Variants in PLAGL1 observed in about 807,000 individuals in gnomAD.
PLAGL1 encodes zinc finger protein PLAGL1.
PLAGL1 carries 1 observed loss-of-function variant against 4.6 expected under a neutral mutation model. The ratio of observed to expected loss-of-function variants is 0.22; its 90% CI spans 0.08 to 1.03. The LOEUF is 1.03. Ranked by LOEUF, PLAGL1 falls within the 50% of genes least tolerant of loss-of-function variation. PLAGL1 has a pLI of 0.58. For missense variants in PLAGL1, 464 were observed against 570.4 expected, an observed-to-expected ratio of 0.81 and a Z score of 1.90; for synonymous variants, 240 against 237.8, an observed-to-expected ratio of 1.01 and a Z score of -0.08.
At chr6:144,019,660 A>G (rs1253178199) in intron 1 of PLAGL1, among the ~76,000 whole-genome samples, 3 of 151,926 alleles carry the variant, frequency 2.0e-5, no homozygotes, top group Non-Finnish European at 2.9e-5. Flanking sequence ...ATCTAGTTTA[A>G]CCTCAATCGG....
At chr6:143,956,982 C>G (rs1387900313) in intron 6 of PLAGL1, among the ~76,000 whole-genome samples, 2 of 152,244 alleles carry the variant, frequency 1.3e-5, no homozygotes, top group Non-Finnish European at 2.9e-5. Flanking sequence ...GGGGCTGGGA[C>G]AGCCAGGATC....
rs911950421 is a variant in PLAGL1, at chr6:144,039,096, G to A, written c.-151+25372C>T. 6.6e-6 allele frequency among the ~76,000 whole-genome samples: 1 copy of A among 152,056 alleles called. No homozygotes were observed. The highest frequency in any genetic ancestry group is 1.5e-5 in the Non-Finnish European group (1 of 68,002). On this transcript the variant is annotated intron_variant, in intron 1 of 3. Coordinates refer to the PLAGL1 transcript ENST00000437412. This position sits in a 1 kb window ranked among gnomAD's most constrained non-coding sequence, Gnocchi z 4.1. ...GGAAAGACATAAAGTAAAAACACAA[G>A]CCACAAATTTGGGAGATAGGTTTGC...
Position 143,970,526 on chromosome 6 carries a change from A to G in PLAGL1, c.-543-1548T>C, listed in dbSNP as rs1227461791. Reference sequence around the variant, plus strand: ...TTCAGAATAGCTTTCTTGCAACTAAATCTAGTGGGTAAGGAGGATGTCTTG... The same window carrying G: ...TTCAGAATAGCTTTCTTGCAACTAAGTCTAGTGGGTAAGGAGGATGTCTTG... On this transcript the variant is annotated intron_variant, in intron 2 of 7. Coordinates refer to ENST00000674357, the MANE Select transcript of PLAGL1 (RefSeq NM_001317162.2). This position sits in a 1 kb window ranked among gnomAD's most constrained non-coding sequence, Gnocchi z 5.8. Among the ~76,000 whole-genome samples the G allele has an allele frequency of 6.6e-6, 1 of 152,128 alleles. No individual in the cohort carries two copies.
At position 144,063,210 on chromosome 6, in the gene PLAGL1, C is replaced by T. The variant is rs942973715; in HGVS notation, c.-151+1258G>A. 2.0e-5 allele frequency among the ~76,000 whole-genome samples: 3 copies of T among 152,156 alleles called. No individual in the cohort carries two copies. The highest frequency in any genetic ancestry group is 7.2e-5 in the African/African-American group (3 of 41,442). On this transcript the variant is annotated intron_variant, in intron 1 of 3. Coordinates refer to the PLAGL1 transcript ENST00000437412. This position sits in a 1 kb window ranked among gnomAD's most constrained non-coding sequence, Gnocchi z 5.7. The stretch of plus-strand genomic sequence containing the variant: ...CCTGCACCGGAACTTTGTAGTATTC[C>T]AATTTCTCCCCTTTCCACACACTTC...
chr6:143,940,319 T>TATTA lies in PLAGL1; in HGVS notation c.*1101_*1104dup, dbSNP rs1320454159. 1 of 152,222 alleles carries TATTA rather than the reference T, an allele frequency of 6.6e-6. No individual in the cohort carries two copies. The highest frequency in any genetic ancestry group is 2.4e-5 in the African/African-American group (1 of 41,450). 9.4% of individuals were successfully genotyped at this position (152,222 alleles called of 1,614,324 possible). A position where few individuals can be genotyped will look rare whatever the true frequency, so the allele number is the denominator to read the frequency against. ...GCCAAATTGCAAGATTTGAAAAGTT[T>TATTA]ATTATATGTAAGATATATGTTTACG... On this transcript the variant is annotated 3_prime_UTR_variant, in exon 8 of 8. Coordinates refer to ENST00000674357, the MANE Select transcript of PLAGL1 (RefSeq NM_001317162.2).
In PLAGL1 at chr6:144,056,618, T is replaced by G. The variant is rs566568080; in HGVS notation, c.-151+7850A>C. Among the ~76,000 whole-genome samples the G allele has an allele frequency of 6.6e-5, 10 of 152,312 alleles. No individual in the cohort carries two copies. Among genetic ancestry groups the G allele is most frequent in the African/African-American group, 2.4e-4 (10 of 41,572 alleles). On this transcript the variant is annotated intron_variant, in intron 1 of 3. Transcript: ENST00000437412. This position sits in a 1 kb window ranked among gnomAD's most constrained non-coding sequence, Gnocchi z 4.7. Reference sequence around the variant, plus strand: ...GGCTTCTTTCACTTAGTAATATGCATTTAAGATTCCTCCATGTCCTTTCAT... The same window carrying G: ...GGCTTCTTTCACTTAGTAATATGCAGTTAAGATTCCTCCATGTCCTTTCAT...
In PLAGL1 at chr6:143,958,186, C is replaced by T. The variant is rs1156387061; in HGVS notation, c.-325+2283G>A. Among the ~76,000 whole-genome samples the T allele has an allele frequency of 6.6e-6, 1 of 152,166 alleles. No homozygotes were observed. Among genetic ancestry groups the T allele is most frequent in the African/African-American group, 2.4e-5 (1 of 41,434 alleles). ...TGGGAGCCAGTGAAAGTGAGGATGTCCCATCTACAGATGAATTGCAGAGAG... is the reference window on the plus strand; with the variant it reads ...TGGGAGCCAGTGAAAGTGAGGATGTTCCATCTACAGATGAATTGCAGAGAG... On this transcript the variant is annotated intron_variant, in intron 6 of 7. Coordinates refer to ENST00000674357, the MANE Select transcript of PLAGL1 (RefSeq NM_001317162.2). The surrounding 1 kb of genome is among the most constrained non-coding windows in gnomAD (Gnocchi z 5.1).
In PLAGL1 at chr6:143,968,957, C is replaced by T. The variant is rs1784918047; in HGVS notation, c.-522G>A. ...TTCAGATGTGACACGAGGCAGCAGC[C>T]ACATTAGACGTGACAGCAATCCTAA... On this transcript the variant is annotated 5_prime_UTR_variant, in exon 3 of 8. The change creates a premature stop within an existing upstream ORF in the 5' untranslated region. Transcript: ENST00000674357. This position sits in a 1 kb window ranked among gnomAD's most constrained non-coding sequence, Gnocchi z 6.3. 2 of 151,120 alleles carry T rather than the reference C, an allele frequency of 1.3e-5. No homozygotes were observed. Among genetic ancestry groups the T allele is most frequent in the South Asian group, 2.1e-4 (1 of 4,790 alleles). 9.4% of individuals were successfully genotyped at this position (151,120 alleles called of 1,614,324 possible).
At chr6:143,991,155 G>C (rs1397642077) in intron 1 of PLAGL1, among the ~76,000 whole-genome samples, 1 of 152,150 alleles carries the variant, frequency 6.6e-6, no homozygotes, top group African/African-American at 2.4e-5. Context: ...ACCTAGAACT[G>C]ATGCAAATTT....
Position 144,027,919 on chromosome 6 carries a change from A to G in PLAGL1, c.-151+36549T>C, listed in dbSNP as rs1333963984. 6.6e-6 allele frequency among the ~76,000 whole-genome samples: 1 copy of G among 152,220 alleles called. No homozygotes were observed. The highest frequency in any genetic ancestry group is 1.5e-5 in the Non-Finnish European group (1 of 68,046). ...TCAGAGTGTCTTTCATTTTGATATG[A>G]GAATAAACAGATGCCTGGCAGCATT... On this transcript the variant is annotated intron_variant, in intron 1 of 3. Transcript: ENST00000437412. The surrounding 1 kb of genome is among the most constrained non-coding windows in gnomAD (Gnocchi z 5.8).
chr6:143,956,196 A>G (rs1428466120), intron 6 of PLAGL1, among the ~76,000 whole-genome samples: 3 of 152,188 alleles, frequency 2.0e-5, no homozygotes, highest in South Asian at 2.1e-4. Context: ...TTGATCACCA[A>G]TGTTTTCCTC....
chr6:144,032,706 C>T (rs4896692), intron 1 of PLAGL1, among the ~76,000 whole-genome samples: 2 of 152,140 alleles, frequency 1.3e-5, no homozygotes, highest in South Asian at 2.1e-4. Flanking sequence ...GGATTACAGG[C>T]GTATGCCAAC....
chr6:144,031,380 TTTG>T (rs1796820552), intron 1 of PLAGL1, among the ~76,000 whole-genome samples: 2 of 152,224 alleles, frequency 1.3e-5, no homozygotes, highest in African/African-American at 4.8e-5. Context: ...TATATTTGTT[TTTG>T]TTGCTTTTGC....
At position 144,013,943 on chromosome 6, in the gene PLAGL1, G is replaced by T. The variant is rs1390390643; in HGVS notation, c.-150-44965C>A. Among the ~76,000 whole-genome samples, 1 of 152,190 alleles carries T rather than the reference G, an allele frequency of 6.6e-6. No homozygotes were observed. The highest frequency in any genetic ancestry group is 1.5e-5 in the Non-Finnish European group (1 of 68,030). On this transcript the variant is annotated intron_variant, in intron 1 of 3. Coordinates refer to the PLAGL1 transcript ENST00000437412. This position sits in a 1 kb window ranked among gnomAD's most constrained non-coding sequence, Gnocchi z 4.4. The stretch of plus-strand genomic sequence containing the variant: ...ACACAAATATTTTCGAGGGTCATCA[G>T]TCAGTCCTCATGTCAAAGTTGACAT...
intron 1 of PLAGL1, among the ~76,000 whole-genome samples, chr6:144,030,116 G>A (rs1049692736): frequency 6.6e-5 from 10 of 151,770 alleles, no homozygotes; most frequent in Admixed American, 3.3e-4. Flanking sequence ...TTAGCCGGGC[G>A]TGGTGGCAGG....
rs1053541341 is a variant in PLAGL1, at chr6:143,945,821, A to G, written c.152+2164T>C. ...TCTCACACTCTTCCAGTCCTTTACTATATCACTGCTTCAGGCAAGAGAGGC... is the reference window on the plus strand; with the variant it reads ...TCTCACACTCTTCCAGTCCTTTACTGTATCACTGCTTCAGGCAAGAGAGGC... On this transcript the variant is annotated intron_variant, in intron 7 of 7. Coordinates refer to ENST00000674357, the MANE Select transcript of PLAGL1 (RefSeq NM_001317162.2). The surrounding 1 kb of genome is among the most constrained non-coding windows in gnomAD (Gnocchi z 4.2). Among the ~76,000 whole-genome samples, 3 of 152,120 alleles carry G rather than the reference A, an allele frequency of 2.0e-5. No individual in the cohort carries two copies. The highest frequency in any genetic ancestry group is 7.2e-5 in the African/African-American group (3 of 41,406).
chr6:143,980,512 A>C (rs758326258), intron 2 of PLAGL1, among the ~76,000 whole-genome samples: 1 of 151,888 alleles, frequency 6.6e-6, no homozygotes, highest in African/African-American at 2.4e-5. Flanking sequence ...CTAGAGGTCT[A>C]GAAGTTCAAT....
At position 144,059,390 on chromosome 6, in the gene PLAGL1, C is replaced by G. The variant is rs1799222544; in HGVS notation, c.-151+5078G>C. Among the ~76,000 whole-genome samples, 1 of 152,212 alleles carries G rather than the reference C, an allele frequency of 6.6e-6. No homozygotes were observed. The highest frequency in any genetic ancestry group is 2.1e-4 in the South Asian group (1 of 4,832). ...TACAATGTGACTCAGACCTACAGGTCTTGCTAAGGTTCCTCCACCAACTGG... is the reference window on the plus strand; with the variant it reads ...TACAATGTGACTCAGACCTACAGGTGTTGCTAAGGTTCCTCCACCAACTGG... On this transcript the variant is annotated intron_variant, in intron 1 of 3. Coordinates refer to the PLAGL1 transcript ENST00000437412. The surrounding 1 kb of genome is among the most constrained non-coding windows in gnomAD (Gnocchi z 4.9).
intron 1 of PLAGL1, among the ~76,000 whole-genome samples, chr6:144,046,637 A>G (rs920381465): frequency 2.0e-5 from 3 of 152,228 alleles, no homozygotes; most frequent in African/African-American, 7.2e-5. Flanking sequence ...GTTAGGCTAC[A>G]CGGGGGTCAG....
Sources: gnomAD v4.1 joint callset for allele counts (sites outside exome capture counted in the v4.1 genomes callset) on GRCh38, gnomAD v4.1.1 for gene constraint, Gnocchi (gnomAD v3.1) non-coding constraint, MANE v1.5 for transcripts, NCBI Gene and HGNC (gene_info 2026-07-23, HGNC 2026-07-21) for gene names.